The following CAMK1D variants were observed in gnomAD, a reference collection of about 807,000 sequenced individuals.
CAMK1D encodes calcium/calmodulin-dependent protein kinase type 1D.
In CAMK1D, 9 loss-of-function variants were observed where a neutral mutation model predicts 47.7. The ratio of observed to expected loss-of-function variants is 0.19; its 90% CI spans 0.11 to 0.33. CAMK1D has a LOEUF of 0.33. CAMK1D is among the 10% of genes least tolerant of loss of function. The pLI, the probability that CAMK1D is intolerant of heterozygous loss-of-function variation, is 1.00. For synonymous variants in CAMK1D, 184 were observed against 184.9 expected (o/e 0.99, Z 0.04); for missense variants, 291 against 488.7 (o/e 0.60, Z 3.81).
intron 2 of CAMK1D, among the ~76,000 whole-genome samples, chr10:12,662,351 C>A (rs1452213291): frequency 6.6e-6 from 1 of 152,072 alleles, no homozygotes; most frequent in African/African-American, 2.4e-5. Context: ...AATATCAACC[C>A]GAGTAAGAAA....
chr10:12,666,460 G>T (rs1428059598), intron 2 of CAMK1D, among the ~76,000 whole-genome samples: 1 of 152,144 alleles, frequency 6.6e-6, no homozygotes, highest in Non-Finnish European at 1.5e-5. Context: ...AATAGGTTTG[G>T]CCCATTTCTG....
chr10:12,487,411 C>G (rs958314630), intron 1 of CAMK1D, among the ~76,000 whole-genome samples: 1 of 152,152 alleles, frequency 6.6e-6, no homozygotes, highest in African/African-American at 2.4e-5. Context: ...ATTGAGTGAC[C>G]TTATTGATCA....
intron 1 of CAMK1D, among the ~76,000 whole-genome samples, chr10:12,545,778 T>A (rs1588617868): frequency 1.3e-5 from 2 of 151,030 alleles, no homozygotes; most frequent in South Asian, 2.1e-4. Context: ...CCAGCCCGGG[T>A]GACAGAGCGA....
rs985902317 is a variant in CAMK1D, at chr10:12,588,263, T to G, written c.224+34907T>G. ...GGTGGGGAGAATTTCAGAGCTGGTT[T>G]GGCCACAGGAAGATGACGAGCTTGT... On this transcript the variant is annotated intron_variant, in intron 2 of 10. Transcript: ENST00000619168. Among the ~76,000 whole-genome samples the G allele has an allele frequency of 2.0e-5, 3 of 152,234 alleles. No homozygotes were observed. In the South Asian group the frequency reaches 6.2e-4, roughly 32 times the overall value.
At chr10:12,727,536 G>A (rs867326282) in intron 3 of CAMK1D, among the ~76,000 whole-genome samples, 2 of 152,288 alleles carry the variant, frequency 1.3e-5, no homozygotes, top group Middle Eastern at 3.4e-3. Flanking sequence ...ACATTCAGAG[G>A]CATAAGTTAC....
intron 1 of CAMK1D, among the ~76,000 whole-genome samples, chr10:12,378,680 G>A (rs1838253711): frequency 6.6e-6 from 1 of 151,684 alleles, no homozygotes; most frequent in Admixed American, 6.6e-5. Flanking sequence ...AGGCTTTTTA[G>A]TGACTAAAAT....
At chr10:12,740,156 C>T (rs1281037479) in intron 3 of CAMK1D, among the ~76,000 whole-genome samples, 2 of 152,204 alleles carry the variant, frequency 1.3e-5, no homozygotes, top group South Asian at 2.1e-4. Context: ...CTCTGCTCTC[C>T]GTTTATGCAG....
intron 2 of CAMK1D, among the ~76,000 whole-genome samples, chr10:12,588,395 G>T (rs772745913): frequency 6.6e-6 from 1 of 152,094 alleles, no homozygotes; most frequent in Non-Finnish European, 1.5e-5. Flanking sequence ...TAAATAAGAG[G>T]CACACCCATG....
intron 4 of CAMK1D, among the ~76,000 whole-genome samples, chr10:12,766,698 C>G (rs1055125816): frequency 1.3e-5 from 2 of 152,144 alleles, no homozygotes; most frequent in African/African-American, 4.8e-5. Flanking sequence ...TCCTGTATCA[C>G]CCCAATCTCA....
chr10:12,781,739 C>T (rs975388090), intron 5 of CAMK1D, among the ~76,000 whole-genome samples: 2 of 151,288 alleles, frequency 1.3e-5, no homozygotes, highest in African/African-American at 4.9e-5. Context: ...GCAGCCTCTG[C>T]CTCCCAGGTT....
rs1022488980 is a variant in CAMK1D, at chr10:12,695,661, G to A, written c.299+28851G>A. ...AGATCTCCTGAGGGTCCTTTGGGCT[G>A]TCTCCTTTTTGTTACTAATGACCAT... On this transcript the variant is annotated intron_variant, in intron 3 of 10. Coordinates refer to ENST00000619168, the MANE Select transcript of CAMK1D (RefSeq NM_153498.4). Among the ~76,000 whole-genome samples the A allele has an allele frequency of 3.3e-5, 5 of 152,126 alleles. No homozygotes were observed. In the East Asian group the frequency reaches 9.6e-4, roughly 29 times the overall value.
Position 12,600,562 on chromosome 10 carries a change from C to T in CAMK1D, c.224+47206C>T, listed in dbSNP as rs566502729. Among the ~76,000 whole-genome samples, 71 of 152,086 alleles carry T rather than the reference C, an allele frequency of 4.7e-4. 1 individual carries two copies. The highest frequency in any genetic ancestry group is 6.6e-4 in the Non-Finnish European group (45 of 68,030). On this transcript the variant is annotated intron_variant, in intron 2 of 10. Transcript: ENST00000619168. ...TTTCCTTTTTAGCAACCAAGAAGTC[C>T]GATAATGAAAGAATTTTCTCTTTAA...
chr10:12,827,963 A>G (rs1833317141), intron 10 of CAMK1D, among the ~76,000 whole-genome samples: 1 of 152,222 alleles, frequency 6.6e-6, no homozygotes. Flanking sequence ...TACAGGCGTC[A>G]GCCACCATAC....
intron 1 of CAMK1D, among the ~76,000 whole-genome samples, chr10:12,512,817 A>C (rs1164724585): frequency 2.6e-5 from 4 of 152,206 alleles, no homozygotes; most frequent in African/African-American, 7.2e-5. Flanking sequence ...TTCCTGGTCC[A>C]GGTGATTTCA....
At chr10:12,528,736 C>CTT (rs34250007) in intron 1 of CAMK1D, among the ~76,000 whole-genome samples, 4,343 of 137,848 alleles carry the variant, frequency 0.032, 246 homozygotes, top group African/African-American at 0.1. Context: ...AAATCCTCAT[C>CTT]TTTTTTTTTT....
chr10:12,438,332 T>G (rs1243108172), intron 1 of CAMK1D, among the ~76,000 whole-genome samples: 1 of 152,224 alleles, frequency 6.6e-6, no homozygotes, highest in Non-Finnish European at 1.5e-5. Flanking sequence ...CCTTGGTGTC[T>G]TTTTTCCATC....
chr10:12,443,373 A>G (rs1236092854), intron 1 of CAMK1D, among the ~76,000 whole-genome samples: 1 of 152,208 alleles, frequency 6.6e-6, no homozygotes, highest in Non-Finnish European at 1.5e-5. Context: ...AAACAAGGAT[A>G]GAAGCTTGTA....
intron 1 of CAMK1D, among the ~76,000 whole-genome samples, chr10:12,479,993 C>T (rs1834016314): frequency 1.3e-5 from 2 of 152,168 alleles, no homozygotes; most frequent in South Asian, 4.1e-4. Flanking sequence ...GGCCTAAGCA[C>T]CCCTTCATTG....
At chr10:12,479,082 C>T (rs953141969) in intron 1 of CAMK1D, among the ~76,000 whole-genome samples, 2 of 152,192 alleles carry the variant, frequency 1.3e-5, no homozygotes, top group African/African-American at 4.8e-5. Flanking sequence ...GACTCTCAAA[C>T]TTGAAGATGC....
Sources: allele counts gnomAD v4.1 joint callset (sites outside exome capture counted in the v4.1 genomes callset), GRCh38; gene constraint gnomAD v4.1.1; transcripts MANE v1.5; gene names NCBI Gene and HGNC (gene_info 2026-07-23, HGNC 2026-07-21).